The following ST3GAL6 variants were observed in gnomAD, a reference collection of about 807,000 sequenced individuals.
ST3GAL6 encodes ST3 beta-galactoside alpha-2,3-sialyltransferase 6, also known as type 2 lactosamine alpha-2,3-sialyltransferase.
Under a neutral mutation model 40.5 loss-of-function variants are expected in ST3GAL6, and 31 were observed. The ratio of observed to expected loss-of-function variants is 0.77; its 90% CI spans 0.58 to 1.03. ST3GAL6 has a LOEUF of 1.03. Among genes scored for constraint, ST3GAL6 ranks in the 50% least tolerant of loss-of-function variants. The pLI, the probability that ST3GAL6 is intolerant of heterozygous loss-of-function variation, is 0.00. For missense variants in ST3GAL6, 357 were observed against 393.2 expected (o/e 0.91, Z 0.78); for synonymous variants, 129 against 136.9 (o/e 0.94, Z 0.40).
At chr3:98,782,340 C>T (rs1200541028) in intron 5 of ST3GAL6, 2 of 701,048 alleles carry the variant, frequency 2.9e-6, no homozygotes. Context: ...GATGTAATTA[C>T]AGCCATTGAT....
intron 5 of ST3GAL6, among the ~76,000 whole-genome samples, chr3:98,777,965 A>C (rs1576107545): frequency 6.6e-6 from 1 of 152,138 alleles, no homozygotes; most frequent in Non-Finnish European, 1.5e-5. Context: ...CCCTAGTCCT[A>C]AGGATTATTG....
At chr3:98,768,826 G>A (rs772316518) in intron 2 of ST3GAL6, among the ~76,000 whole-genome samples, 32 of 152,104 alleles carry the variant, frequency 2.1e-4, no homozygotes, top group South Asian at 8.3e-4. Context: ...AGTTAATGGC[G>A]TAATTACTGG....
intron 8 of ST3GAL6, among the ~76,000 whole-genome samples, chr3:98,790,369 G>A (rs756766675): frequency 8.5e-5 from 13 of 152,156 alleles, no homozygotes; most frequent in Admixed American, 7.9e-4. Context: ...CACTGCAAAT[G>A]TGAGTAAAGA....
chr3:98,763,526 C>T, intron 1 of ST3GAL6, 87 bp downstream of exon 1: 2 of 1,215,868 alleles, frequency 1.6e-6, no homozygotes, highest in Non-Finnish European at 2.2e-6. Context: ...TAGGTGCCCA[C>T]AGGCTGTGTG....
intron 6 of ST3GAL6, among the ~76,000 whole-genome samples, 197 bp downstream of exon 6, chr3:98,785,237 C>A (rs1390948161): frequency 6.6e-6 from 1 of 152,046 alleles, no homozygotes; most frequent in Non-Finnish European, 1.5e-5. Flanking sequence ...TTTGTTAAGT[C>A]TCCTTAGTGT....
At chr3:98,760,454 A>G (rs1165026971), upstream of ST3GAL6, among the ~76,000 whole-genome samples, 1 of 152,262 alleles carries the variant, frequency 6.6e-6, no homozygotes. Context: ...GAAACAGTGT[A>G]ACAGCTCCTT....
intron 5 of ST3GAL6, among the ~76,000 whole-genome samples, chr3:98,774,904 A>G (rs758069423): frequency 2.0e-5 from 3 of 152,212 alleles, no homozygotes; most frequent in Admixed American, 6.5e-5. Context: ...TCAGTTTTTT[A>G]TAACTTCAAA....
upstream of ST3GAL6, among the ~76,000 whole-genome samples, chr3:98,760,785 C>A (rs562680470): frequency 3.9e-5 from 6 of 152,194 alleles, no homozygotes; most frequent in East Asian, 1.2e-3. Context: ...TTTACAATAA[C>A]CAAAAATTGC....
At chr3:98,752,354 C>T (rs1342544817) in intron 1 of ST3GAL6, among the ~76,000 whole-genome samples, 2 of 152,054 alleles carry the variant, frequency 1.3e-5, no homozygotes, top group Non-Finnish European at 2.9e-5. Context: ...CATTGTGTTA[C>T]ATCTTGGTAA....
intron 5 of ST3GAL6, among the ~76,000 whole-genome samples, chr3:98,775,147 A>G (rs985694252): frequency 2.6e-5 from 4 of 152,142 alleles, no homozygotes; most frequent in Non-Finnish European, 5.9e-5. Context: ...GTGAACCTAG[A>G]TAGTTCAACT....
At chr3:98,748,304 A>G (rs76675868) in intron 1 of ST3GAL6, among the ~76,000 whole-genome samples, 1,573 of 152,310 alleles carry the variant, frequency 0.01, 26 homozygotes, top group African/African-American at 0.036. Flanking sequence ...TGGGCAAGTC[A>G]TTTAACTTCT....
At chr3:98,765,576 T>C (rs1559737183) in intron 1 of ST3GAL6, among the ~76,000 whole-genome samples, 1 of 152,210 alleles carries the variant, frequency 6.6e-6, no homozygotes, top group Non-Finnish European at 1.5e-5. Flanking sequence ...TTGGCATATA[T>C]AGGTTACTTA....
intron 5 of ST3GAL6, chr3:98,782,283 C>T (rs1276901793): frequency 1.7e-5 from 12 of 703,436 alleles, no homozygotes; most frequent in African/African-American, 3.5e-5. Flanking sequence ...GCTGTTTTCC[C>T]AGTCACTTTC....
At chr3:98,739,604 C>A (rs913958620) in intron 1 of ST3GAL6, among the ~76,000 whole-genome samples, 1 of 152,094 alleles carries the variant, frequency 6.6e-6, no homozygotes, top group Non-Finnish European at 1.5e-5. Context: ...GTCTCAAATG[C>A]TTTTATTAAA....
chr3:98,743,323 A>ATT (rs950588995), intron 1 of ST3GAL6, among the ~76,000 whole-genome samples: 1 of 146,552 alleles, frequency 6.8e-6, no homozygotes. Flanking sequence ...GCCTGGCCCA[A>ATT]TTTTTTTTTT....
intron 1 of ST3GAL6, chr3:98,732,924 G>C (rs1311068568): frequency 8.0e-6 from 12 of 1,508,682 alleles, no homozygotes; most frequent in Non-Finnish European, 9.7e-6. Context: ...TCAGGTCTCG[G>C]AGCCCGGTGC....
At chr3:98,740,631 C>T (rs1383762165) in intron 1 of ST3GAL6, among the ~76,000 whole-genome samples, 2 of 152,148 alleles carry the variant, frequency 1.3e-5, no homozygotes, top group Non-Finnish European at 2.9e-5. Context: ...CTGAGCCTTA[C>T]TTTCCTTATC....
chr3:98,740,381 A>G (rs1476255527), intron 1 of ST3GAL6, among the ~76,000 whole-genome samples: 2 of 152,014 alleles, frequency 1.3e-5, no homozygotes, highest in East Asian at 1.9e-4. Flanking sequence ...AAATCCAGAG[A>G]ATTTCTCTCA....
At chr3:98,743,000 CTTTTTTTTTT>C (rs71120599) in intron 1 of ST3GAL6, among the ~76,000 whole-genome samples, 1 of 89,488 alleles carries the variant, frequency 1.1e-5, no homozygotes, top group Admixed American at 1.5e-4. Context: ...ATGCCAGGCT[CTTTTTTTTTT>C]TTTTTTTTTT....
Sources: allele counts gnomAD v4.1 joint callset (sites outside exome capture counted in the v4.1 genomes callset), GRCh38; gene constraint gnomAD v4.1.1; transcripts MANE v1.5; gene names NCBI Gene and HGNC (gene_info 2026-07-23, HGNC 2026-07-21).